Variants in STK32A observed in about 807,000 individuals in gnomAD.
The protein encoded by STK32A is serine/threonine kinase 32A.
A neutral mutation model predicts 53.2 loss-of-function variants in STK32A; 41 were observed. That is an observed-to-expected ratio of 0.77 (90% CI 0.60 to 1.00). The LOEUF (loss-of-function observed/expected upper bound fraction) is 1.00, where lower values mean the gene tolerates loss of function less well. STK32A is among the 50% of genes least tolerant of loss of function. The pLI is 0.00. For missense variants in STK32A, 458 were observed against 485.8 expected (o/e 0.94, Z 0.54); for synonymous variants, 166 against 162.8 (o/e 1.02, Z -0.15).
intron 4 of STK32A, among the ~76,000 whole-genome samples, chr5:147,288,893 G>A (rs1364524737): frequency 6.6e-6 from 1 of 152,154 alleles, no homozygotes; most frequent in African/African-American, 2.4e-5. Context: ...GTTAATGTGT[G>A]TAACTTTACA....
chr5:147,375,059 C>G (rs773409804), intron 10 of STK32A, 31 bp from the exon 11 acceptor site: 1 of 1,576,682 alleles, frequency 6.3e-7, no homozygotes, highest in South Asian at 1.2e-5. Flanking sequence ...ATACAGTAAT[C>G]TGAGGATTGA....
chr5:147,352,973 A>G (rs561654501), intron 7 of STK32A, among the ~76,000 whole-genome samples: 78 of 152,192 alleles, frequency 5.1e-4, no homozygotes, highest in Non-Finnish European at 1.0e-3. Flanking sequence ...ACAAGTCCCA[A>G]TAGAGCTCAA....
At chr5:147,264,527 A>G (rs1236139366) in intron 2 of STK32A, among the ~76,000 whole-genome samples, 1 of 152,232 alleles carries the variant, frequency 6.6e-6, no homozygotes, top group Non-Finnish European at 1.5e-5. Flanking sequence ...GCAAGAAAAG[A>G]AAACTAATCA....
chr5:147,298,760 C>A (rs1752987219), intron 4 of STK32A, among the ~76,000 whole-genome samples: 1 of 152,104 alleles, frequency 6.6e-6, no homozygotes, highest in South Asian at 2.1e-4. Flanking sequence ...CAAAGAAAAC[C>A]TTAACTTCAG....
At chr5:147,290,606 C>T (rs1752555266) in intron 4 of STK32A, among the ~76,000 whole-genome samples, 1 of 152,146 alleles carries the variant, frequency 6.6e-6, no homozygotes, top group Admixed American at 6.5e-5. Flanking sequence ...TATCTCTTTA[C>T]TCATGTCTTT....
chr5:147,327,628 C>G (rs571377038), intron 5 of STK32A, among the ~76,000 whole-genome samples: 1 of 152,240 alleles, frequency 6.6e-6, no homozygotes, highest in African/African-American at 2.4e-5. Context: ...GGGTACCAGG[C>G]TGCCTGCTAA....
chr5:147,261,020 T>C (rs530046443), intron 2 of STK32A, among the ~76,000 whole-genome samples: 23 of 152,272 alleles, frequency 1.5e-4, no homozygotes, highest in Admixed American at 3.9e-4. Flanking sequence ...TTAAGCTAGG[T>C]TGCTGGCCAC....
At chr5:147,269,733 G>A (rs544942622) in intron 2 of STK32A, among the ~76,000 whole-genome samples, 1 of 152,212 alleles carries the variant, frequency 6.6e-6, no homozygotes, top group South Asian at 2.1e-4. Context: ...GCTATCAACT[G>A]GGGCTATATA....
intron 4 of STK32A, among the ~76,000 whole-genome samples, chr5:147,321,078 G>A (rs978587639): frequency 2.0e-5 from 3 of 152,182 alleles, no homozygotes; most frequent in African/African-American, 7.2e-5. Context: ...GGAATAGGGT[G>A]GTGAACTTTT....
chr5:147,298,364 T>C (rs1752969175), intron 4 of STK32A, among the ~76,000 whole-genome samples: 1 of 152,226 alleles, frequency 6.6e-6, no homozygotes, highest in Non-Finnish European at 1.5e-5. Flanking sequence ...TGGAAGTAAG[T>C]CTCTCACTCA....
Position 147,351,099 on chromosome 5 carries a change from G to A in STK32A, c.507G>A (p.Ala169=), listed in dbSNP as rs772174869. The A allele has an allele frequency of 2.0e-5, 33 of 1,613,818 alleles. No homozygotes were observed. In the Middle Eastern group the frequency reaches 4.9e-4, roughly 24 times the overall value. The change falls in exon 7 of 13, where the codon GCG becomes GCA. Residue 169 remains alanine, a synonymous_variant. Transcript: ENST00000397936. The part of the protein sequence containing the change: ...HVHITDFNIA[A]MLPRETQITT... ...ACATCACAGATTTCAACATTGCTGCGATGCTGCCCAGGGAGACACAGATTA... is the reference window on the plus strand; with the variant it reads ...ACATCACAGATTTCAACATTGCTGCAATGCTGCCCAGGGAGACACAGATTA...
intron 5 of STK32A, among the ~76,000 whole-genome samples, chr5:147,326,877 T>C (rs1240215119): frequency 6.7e-6 from 1 of 150,332 alleles, no homozygotes; most frequent in African/African-American, 2.4e-5. Context: ...TTCAAGGCAG[T>C]GTTTTTTGGT....
chr5:147,306,823 AAAAG>A (rs1482699582), intron 4 of STK32A, among the ~76,000 whole-genome samples: 3 of 152,152 alleles, frequency 2.0e-5, no homozygotes, highest in African/African-American at 7.2e-5. Context: ...AAAACAAATA[AAAAG>A]AAAGATGCGT....
rs1581161743 is a variant in STK32A at position 147,384,561 on chromosome 5, A to T, written c.*578A>T. 1 of 734,436 alleles carries T rather than the reference A, an allele frequency of 1.4e-6. No individual in the cohort carries two copies. The highest frequency in any genetic ancestry group is 2.1e-5 in the South Asian group (1 of 46,596). 45.5% of individuals were successfully genotyped at this position (734,436 alleles called of 1,614,324 possible). A position where few individuals can be genotyped will look rare whatever the true frequency, so the allele number is the denominator to read the frequency against. On this transcript the variant is annotated 3_prime_UTR_variant, in exon 13 of 13. Coordinates refer to ENST00000397936, the MANE Select transcript of STK32A (RefSeq NM_001112724.2). ...CTTCCAGTGATATGCGTGAATCAGC[A>T]TTAGATCCGCTTATCTCAGCTGGCA...
chr5:147,252,403 A>G (rs1754037732), intron 2 of STK32A, among the ~76,000 whole-genome samples: 1 of 152,144 alleles, frequency 6.6e-6, no homozygotes, highest in Non-Finnish European at 1.5e-5. Context: ...TATGTTCCTA[A>G]TCAATAACTA....
At chr5:147,279,068 C>T (rs931506549) in intron 3 of STK32A, among the ~76,000 whole-genome samples, 179 bp from the exon 4 acceptor site, 2 of 152,112 alleles carry the variant, frequency 1.3e-5, no homozygotes, top group Non-Finnish European at 1.5e-5. Context: ...TGAACTGGTG[C>T]ATAGAAAAGA....
At chr5:147,260,781 C>T (rs1754528394) in intron 2 of STK32A, among the ~76,000 whole-genome samples, 1 of 152,178 alleles carries the variant, frequency 6.6e-6, no homozygotes, top group African/African-American at 2.4e-5. Flanking sequence ...CGCCCTAAGC[C>T]ATATGAGGCA....
chr5:147,347,896 T>A (rs1755766627), intron 6 of STK32A, among the ~76,000 whole-genome samples: 1 of 152,168 alleles, frequency 6.6e-6, no homozygotes, highest in Non-Finnish European at 1.5e-5. Context: ...GCCTTCATTG[T>A]TTAGCTCAGA....
the STK32A span, among the ~76,000 whole-genome samples, chr5:147,396,486 G>C: frequency 6.6e-6 from 1 of 152,232 alleles, no homozygotes; most frequent in African/African-American, 2.4e-5. Context: ...GGCCAGAGGG[G>C]AGGCAATGAG....
Sources: allele counts gnomAD v4.1 joint callset (sites outside exome capture counted in the v4.1 genomes callset), GRCh38; gene constraint gnomAD v4.1.1; transcripts MANE v1.5; gene names NCBI Gene and HGNC (gene_info 2026-07-23, HGNC 2026-07-21).